HADHB: variants seen among roughly 807,000 people sequenced by gnomAD.
The protein encoded by HADHB is trifunctional enzyme subunit beta, mitochondrial.
A neutral mutation model predicts 61.9 loss-of-function variants in HADHB; 50 were observed. The ratio of observed to expected loss-of-function variants is 0.81; its 90% confidence interval spans 0.64 to 1.02. HADHB has a LOEUF of 1.02. Among genes scored for constraint, HADHB ranks in the 50% least tolerant of loss-of-function variants. The pLI is 0.00. For missense variants in HADHB, 504 were observed against 586.5 expected, an observed-to-expected ratio of 0.86 and a Z score of 1.45; for synonymous variants, 191 against 201.6, an observed-to-expected ratio of 0.95 and a Z score of 0.45.
chr2:26,281,003 A>C (rs1672766387), intron 10 of HADHB, among the ~76,000 whole-genome samples: 1 of 152,090 alleles, frequency 6.6e-6, no homozygotes, highest in Non-Finnish European at 1.5e-5. Flanking sequence ...AAGACAAGGA[A>C]AAGCAGGCAG....
At chr2:26,248,679 A>G (rs979482680) in intron 1 of HADHB, among the ~76,000 whole-genome samples, 5 of 152,344 alleles carry the variant, frequency 3.3e-5, no homozygotes, top group Admixed American at 3.3e-4. Flanking sequence ...TCTTACTAGA[A>G]TTATATATTA....
intron 4 of HADHB, 78 bp downstream of exon 4, chr2:26,263,557 G>C: frequency 1.1e-6 from 1 of 889,596 alleles, no homozygotes; most frequent in Non-Finnish European, 1.9e-6. Flanking sequence ...ATGTAACCCA[G>C]TAGGTAATAA....
intron 13 of HADHB, among the ~76,000 whole-genome samples, chr2:26,284,482 A>G: frequency 6.9e-6 from 1 of 144,632 alleles, no homozygotes; most frequent in Non-Finnish European, 1.5e-5. Context: ...TTTTTTTTGG[A>G]GACAGAGTCT....
At chr2:26,283,417 G>A (rs567238814) in intron 12 of HADHB, among the ~76,000 whole-genome samples, 33 of 152,118 alleles carry the variant, frequency 2.2e-4, no homozygotes, top group Non-Finnish European at 3.2e-4. Context: ...CCAGCTACTC[G>A]GGAGGTTTTG....
intron 3 of HADHB, chr2:26,260,951 T>C: frequency 9.2e-7 from 1 of 1,086,412 alleles, no homozygotes; most frequent in South Asian, 1.4e-5. Context: ...TTCAACTAAT[T>C]GGCATTTCTT....
At chr2:26,270,109 T>A (rs576069520) in intron 5 of HADHB, 112 bp downstream of exon 5, 3 of 785,116 alleles carry the variant, frequency 3.8e-6, no homozygotes, top group East Asian at 2.5e-5. Flanking sequence ...CTATACAAAT[T>A]TAAGCAGCTT....
chr2:26,285,489 G>A lies in HADHB; in HGVS notation c.1307G>A (p.Arg436Lys). 6.2e-7 allele frequency: 1 copy of A among 1,613,562 alleles called. No homozygotes were observed. Among genetic ancestry groups the A allele is most frequent in the South Asian group, 1.1e-5 (1 of 91,072 alleles). Reference sequence around the variant, plus strand: ...CACCCATTTGGAGCCACTGGCTGCAGGTTGGTCATGGCTGCTGCCAACAGA... The same window carrying A: ...CACCCATTTGGAGCCACTGGCTGCAAGTTGGTCATGGCTGCTGCCAACAGA... ...LGHPFGATGC[R>K]LVMAAANRLR... is the part of the protein sequence containing the mutation. The change falls in exon 15 of 16, where the codon AGG (arginine) becomes AAG (lysine). Residue 436 changes from arginine to lysine, a missense_variant. Coordinates refer to ENST00000317799, the MANE Select transcript of HADHB (RefSeq NM_000183.3).
Position 26,277,163 on chromosome 2 carries a change from A to T in HADHB, c.442+3A>T, listed in dbSNP as rs1434535322. 7 of 1,384,102 alleles carry T rather than the reference A, an allele frequency of 5.1e-6. No individual in the cohort carries two copies. Among genetic ancestry groups the T allele is most frequent in the Middle Eastern group, 3.6e-4 (2 of 5,602 alleles). The allele number at this position is 1,384,102 out of a possible 1,614,324, so 85.7% of individuals were successfully genotyped here. On this transcript the variant is annotated splice_donor_region_variant and intron_variant, in intron 7 of 15. Coordinates refer to ENST00000317799, the MANE Select transcript of HADHB (RefSeq NM_000183.3). ...TGCCAACCAAGCCATGACCACAGGTATGTTTAAATGGAAACAGACAGTACA... is the reference window on the plus strand; with the variant it reads ...TGCCAACCAAGCCATGACCACAGGTTTGTTTAAATGGAAACAGACAGTACA...
intron 7 of HADHB, among the ~76,000 whole-genome samples, 166 bp downstream of exon 7, chr2:26,277,326 C>G (rs796861896): frequency 6.7e-6 from 1 of 148,398 alleles, no homozygotes; most frequent in Non-Finnish European, 1.5e-5. Flanking sequence ...CAGGCTCAAA[C>G]TCTTGAGCTC....
At chr2:26,287,049 T>C (rs1263936799) in intron 15 of HADHB, among the ~76,000 whole-genome samples, 1 of 151,376 alleles carries the variant, frequency 6.6e-6, no homozygotes, top group Non-Finnish European at 1.5e-5. Context: ...ACTAAAATTA[T>C]AAAAACTAGC....
intron 5 of HADHB, among the ~76,000 whole-genome samples, chr2:26,273,247 G>A (rs1388072063): frequency 1.3e-5 from 2 of 152,022 alleles, no homozygotes; most frequent in South Asian, 4.2e-4. Flanking sequence ...ACATACCCAG[G>A]ACTTCTTTTT....
intron 10 of HADHB, among the ~76,000 whole-genome samples, chr2:26,281,776 C>G (rs1574666212): frequency 6.6e-6 from 1 of 152,010 alleles, no homozygotes; most frequent in Admixed American, 6.6e-5. Context: ...TTTATGGACA[C>G]CCTATTGGTG....
At chr2:26,246,795 A>AT (rs961423536) in intron 1 of HADHB, among the ~76,000 whole-genome samples, 1 of 147,608 alleles carries the variant, frequency 6.8e-6, no homozygotes, top group African/African-American at 2.7e-5. Flanking sequence ...GAAATGTTAT[A>AT]ATGTTTCTTT....
At chr2:26,277,708 C>T (rs1046645896) in intron 7 of HADHB, among the ~76,000 whole-genome samples, 4 of 152,156 alleles carry the variant, frequency 2.6e-5, no homozygotes, top group African/African-American at 9.7e-5. Context: ...AATAATGTGG[C>T]TGGCTGCAGC....
At chr2:26,264,838 A>T (rs117745987) in intron 4 of HADHB, among the ~76,000 whole-genome samples, 1 of 152,064 alleles carries the variant, frequency 6.6e-6, no homozygotes, top group East Asian at 1.9e-4. Flanking sequence ...CTAAATACAA[A>T]AATTAGCTGG....
intron 15 of HADHB, among the ~76,000 whole-genome samples, chr2:26,286,660 G>A (rs1048472897): frequency 6.6e-6 from 1 of 151,490 alleles, no homozygotes; most frequent in Non-Finnish European, 1.5e-5. Flanking sequence ...TCACCACCAA[G>A]CCCGGGCAAT....
chr2:26,249,285 G>T (rs911269030), intron 1 of HADHB, among the ~76,000 whole-genome samples: 2 of 152,040 alleles, frequency 1.3e-5, no homozygotes, highest in Non-Finnish European at 2.9e-5. Flanking sequence ...TGTAATCCTA[G>T]CACTTTGGGA....
chr2:26,267,338 T>TA (rs946547072), intron 4 of HADHB, among the ~76,000 whole-genome samples: 16 of 151,278 alleles, frequency 1.1e-4, no homozygotes, highest in Non-Finnish European at 1.6e-4. Flanking sequence ...AAGAAGTACT[T>TA]AAAAAAAAGA....
chr2:26,286,820 T>A (rs572150546), intron 15 of HADHB, among the ~76,000 whole-genome samples: 1 of 151,124 alleles, frequency 6.6e-6, no homozygotes, highest in Non-Finnish European at 1.5e-5. Context: ...TTTGTTTTTT[T>A]TTTTTTTTTT....
Sources: gnomAD v4.1 joint callset for allele counts (sites outside exome capture counted in the v4.1 genomes callset) on GRCh38, gnomAD v4.1.1 for gene constraint, MANE v1.5 for transcripts, NCBI Gene and HGNC (gene_info 2026-07-23, HGNC 2026-07-21) for gene names.